Variants in DLGAP2 observed in about 807,000 individuals in gnomAD.
DLGAP2 encodes DLG associated protein 2.
Under a neutral mutation model 100.3 loss-of-function variants are expected in DLGAP2, and 26 were observed. The ratio of observed to expected loss-of-function variants is 0.26; its 90% CI spans 0.19 to 0.36. The LOEUF is 0.36. Ranked by LOEUF, DLGAP2 falls within the 10% of genes least tolerant of loss-of-function variation. The probability of loss-of-function intolerance (pLI) is 1.00; values close to 1 mark genes in which losing one functional copy is unlikely to be tolerated. For missense variants in DLGAP2, 1,858 were observed against 1,453.2 expected (o/e 1.28, Z -4.53); for synonymous variants, 886 against 630.1 (o/e 1.41, Z -6.08).
chr8:1,506,150 T>G (rs1364346518), intron 4 of DLGAP2, among the ~76,000 whole-genome samples: 1 of 152,208 alleles, frequency 6.6e-6, no homozygotes, highest in Non-Finnish European at 1.5e-5. Context: ...CCACAGCATT[T>G]AAGTGCACCA....
At chr8:1,237,193 T>A (rs1798679039) in intron 2 of DLGAP2, among the ~76,000 whole-genome samples, 3 of 137,234 alleles carry the variant, frequency 2.2e-5, no homozygotes, top group African/African-American at 9.0e-5. Context: ...CCGTGTGTAG[T>A]TCTCTCACGT....
At chr8:874,923 C>T (rs1035349595) in intron 1 of DLGAP2, among the ~76,000 whole-genome samples, 2 of 152,168 alleles carry the variant, frequency 1.3e-5, no homozygotes, top group African/African-American at 4.8e-5. Context: ...TGTATGTCTA[C>T]ATATGCATAC....
At chr8:976,499 C>G (rs370808028) in intron 2 of DLGAP2, among the ~76,000 whole-genome samples, 2 of 152,256 alleles carry the variant, frequency 1.3e-5, no homozygotes, top group South Asian at 4.2e-4. Context: ...GTAGTCCCAG[C>G]TACTTGGGAG....
chr8:1,267,092 C>T (rs895336914), intron 3 of DLGAP2, among the ~76,000 whole-genome samples: 42 of 151,562 alleles, frequency 2.8e-4, no homozygotes, highest in Non-Finnish European at 4.6e-4. Context: ...ATTAGCCAGG[C>T]GTGGGGGTGG....
At chr8:1,283,250 C>T (rs1258510429) in intron 3 of DLGAP2, among the ~76,000 whole-genome samples, 1 of 150,984 alleles carries the variant, frequency 6.6e-6, no homozygotes, top group African/African-American at 2.5e-5. Context: ...GTGGTGTGAT[C>T]TGAACCCAGC....
At chr8:1,548,522 TG>T in intron 4 of DLGAP2, 103 bp from the exon 5 acceptor site, 1 of 757,610 alleles carries the variant, frequency 1.3e-6, no homozygotes, top group Non-Finnish European at 1.9e-6. Flanking sequence ...AGGCCAGACA[TG>T]GACACTGATT....
chr8:1,167,786 G>T (rs1191751963), intron 2 of DLGAP2, among the ~76,000 whole-genome samples: 1 of 152,102 alleles, frequency 6.6e-6, no homozygotes, highest in Non-Finnish European at 1.5e-5. Context: ...CTGACACTGA[G>T]GTACAAAGTC....
intron 6 of DLGAP2, among the ~76,000 whole-genome samples, chr8:1,569,588 A>G (rs1174292580): frequency 1.3e-5 from 2 of 152,202 alleles, no homozygotes; most frequent in Non-Finnish European, 2.9e-5. Context: ...TTCACGTTTT[A>G]TGGATTCCAA....
chr8:1,214,743 C>A (rs772318211), intron 2 of DLGAP2, among the ~76,000 whole-genome samples: 2 of 152,228 alleles, frequency 1.3e-5, no homozygotes, highest in African/African-American at 4.8e-5. Context: ...TGCCTTAAGT[C>A]TATGTAGAGT....
intron 2 of DLGAP2, among the ~76,000 whole-genome samples, chr8:979,100 G>A (rs1224114442): frequency 6.6e-6 from 1 of 152,102 alleles, no homozygotes; most frequent in Non-Finnish European, 1.5e-5. Context: ...ATTCTAAATT[G>A]GGGGTGGGGG....
At chr8:1,334,859 T>C (rs1285375850) in intron 3 of DLGAP2, among the ~76,000 whole-genome samples, 1 of 152,144 alleles carries the variant, frequency 6.6e-6, no homozygotes, top group African/African-American at 2.4e-5. Flanking sequence ...CTGTCTTGCC[T>C]CTCTCGCCTC....
chr8:1,451,724 A>T (rs1798165013), intron 3 of DLGAP2, among the ~76,000 whole-genome samples: 1 of 152,018 alleles, frequency 6.6e-6, no homozygotes, highest in Admixed American at 6.6e-5. Flanking sequence ...CCGCCTCAGC[A>T]ACTCCATCTA....
At chr8:1,282,951 G>A (rs372539256) in intron 3 of DLGAP2, among the ~76,000 whole-genome samples, 1 of 128,102 alleles carries the variant, frequency 7.8e-6, no homozygotes, top group Admixed American at 8.6e-5. Flanking sequence ...CCTGAACCCA[G>A]CGCCCTGAAC....
At chr8:793,890 G>A (rs1037898767) in intron 1 of DLGAP2, among the ~76,000 whole-genome samples, 66 of 152,242 alleles carry the variant, frequency 4.3e-4, no homozygotes, top group Admixed American at 1.6e-3. Flanking sequence ...TCTCAGCTTT[G>A]TTTCCTGCTG....
intron 4 of DLGAP2, among the ~76,000 whole-genome samples, chr8:1,546,065 G>C (rs1291882884): frequency 1.3e-5 from 2 of 152,168 alleles, no homozygotes; most frequent in African/African-American, 4.8e-5. Context: ...AATTTCATTT[G>C]AAAATTTGCT....
At chr8:841,227 A>C (rs1005099221) in intron 1 of DLGAP2, among the ~76,000 whole-genome samples, 2 of 152,202 alleles carry the variant, frequency 1.3e-5, no homozygotes, top group African/African-American at 4.8e-5. Context: ...CTCACCCTCC[A>C]AAGAGGACCA....
chr8:1,343,869 G>A (rs1266621010), intron 3 of DLGAP2, among the ~76,000 whole-genome samples: 6 of 152,262 alleles, frequency 3.9e-5, no homozygotes, highest in Non-Finnish European at 1.5e-5. Context: ...GGGAGTAGGG[G>A]GAGCTCAGCC....
intron 3 of DLGAP2, among the ~76,000 whole-genome samples, chr8:1,311,718 C>T (rs1295358295): frequency 6.6e-6 from 1 of 150,520 alleles, no homozygotes; most frequent in East Asian, 1.9e-4. Context: ...AAAAAAAACT[C>T]TTATAAAATT....
intron 4 of DLGAP2, among the ~76,000 whole-genome samples, chr8:1,503,583 C>A (rs770473270): frequency 3.9e-4 from 59 of 152,098 alleles, no homozygotes; most frequent in Non-Finnish European, 6.5e-4. Context: ...ACACGGAGTG[C>A]AGCTCTCTCT....
Sources: allele counts gnomAD v4.1 joint callset (sites outside exome capture counted in the v4.1 genomes callset), GRCh38; gene constraint gnomAD v4.1.1; transcripts MANE v1.5; gene names NCBI Gene and HGNC (gene_info 2026-07-23, HGNC 2026-07-21).